DIS3L2: variants seen among roughly 807,000 people sequenced by gnomAD.
DIS3L2 encodes DIS3 like 3'-5' exoribonuclease 2.
Under a neutral mutation model 97.5 loss-of-function variants are expected in DIS3L2, and 34 were observed. The observed-to-expected ratio is 0.35, with a 90% confidence interval of 0.27 to 0.46. The LOEUF (loss-of-function observed/expected upper bound fraction) is 0.46. DIS3L2 is among the 20% of genes least tolerant of loss of function. The pLI is 1.00. For synonymous variants in DIS3L2, 435 were observed against 445.2 expected, an observed-to-expected ratio of 0.98 and a Z score of 0.29; for missense variants, 1,038 against 1,146.0, an observed-to-expected ratio of 0.91 and a Z score of 1.36.
chr2:232,098,831 G>T (rs999899527), intron 6 of DIS3L2, among the ~76,000 whole-genome samples: 7 of 151,688 alleles, frequency 4.6e-5, no homozygotes, highest in Non-Finnish European at 1.0e-4. Context: ...TTGTCATTTA[G>T]TCATTTGTCT....
chr2:232,257,355 C>G (rs890553239), intron 12 of DIS3L2, among the ~76,000 whole-genome samples: 6 of 152,156 alleles, frequency 3.9e-5, no homozygotes, highest in South Asian at 2.1e-4. Flanking sequence ...TCTCTCTGCT[C>G]TCTTCCAGCC....
At chr2:232,216,707 A>T (rs944572628) in intron 10 of DIS3L2, among the ~76,000 whole-genome samples, 2 of 152,148 alleles carry the variant, frequency 1.3e-5, no homozygotes, top group African/African-American at 4.8e-5. Context: ...GATGACAGAG[A>T]AGGAAAAGTT....
At chr2:232,274,791 A>G (rs1045722924) in intron 13 of DIS3L2, among the ~76,000 whole-genome samples, 29 of 152,272 alleles carry the variant, frequency 1.9e-4, no homozygotes, top group Admixed American at 1.9e-3. Flanking sequence ...ACCATCTACT[A>G]TCTTCATTAT....
At chr2:232,137,179 T>G (rs1698383727) in intron 8 of DIS3L2, among the ~76,000 whole-genome samples, 1 of 152,212 alleles carries the variant, frequency 6.6e-6, no homozygotes, top group South Asian at 2.1e-4. Flanking sequence ...TGATTTTGCC[T>G]GTGGCATTAA....
At chr2:232,146,494 G>A (rs1483049545) in intron 8 of DIS3L2, among the ~76,000 whole-genome samples, 2 of 152,182 alleles carry the variant, frequency 1.3e-5, no homozygotes, top group East Asian at 3.8e-4. Context: ...TCAGTGACTG[G>A]ATGATGTTAT....
At chr2:231,971,637 C>T (rs1038228119) in intron 1 of DIS3L2, among the ~76,000 whole-genome samples, 3 of 151,934 alleles carry the variant, frequency 2.0e-5, no homozygotes, top group East Asian at 2.0e-4. Context: ...TTAGTAGAGA[C>T]GGGTTTCACC....
At chr2:232,177,087 A>G (rs1195109344) in intron 9 of DIS3L2, among the ~76,000 whole-genome samples, 1 of 147,710 alleles carries the variant, frequency 6.8e-6, no homozygotes, top group African/African-American at 2.5e-5. Context: ...TAGTTTACTG[A>G]GAATGATGGT....
At chr2:232,015,937 T>C in intron 3 of DIS3L2, 1 of 281,308 alleles carries the variant, frequency 3.6e-6, no homozygotes, top group East Asian at 6.3e-5. Flanking sequence ...CCATTAGGAT[T>C]GTCTAGAGAT....
At position 232,303,108 on chromosome 2, in the gene DIS3L2, A is replaced by G. The variant is rs143703643; in HGVS notation, c.1739+2989A>G. Among the ~76,000 whole-genome samples, 1,298 of 152,228 alleles carry G rather than the reference A, an allele frequency of 8.5e-3. 24 individuals carry two copies. Among genetic ancestry groups the G allele is most frequent in the Admixed American group, 0.049 (753 of 15,292 alleles). On this transcript the variant is annotated intron_variant, in intron 14 of 20. Coordinates refer to ENST00000325385, the MANE Select transcript of DIS3L2 (RefSeq NM_152383.5). ...GCTCATGACTTCCATCTTCCCAGAA[A>G]GTCTTCTGCCAACAGTGTACTCATG... is the stretch of plus-strand genomic sequence containing the variant.
chr2:232,160,708 C>G (rs1030895989), intron 8 of DIS3L2, among the ~76,000 whole-genome samples: 1 of 151,954 alleles, frequency 6.6e-6, no homozygotes, highest in African/African-American at 2.4e-5. Context: ...AAAACCCCAT[C>G]TCTACAAAAA....
intron 8 of DIS3L2, among the ~76,000 whole-genome samples, chr2:232,145,630 A>T (rs1690197198): frequency 6.6e-6 from 1 of 152,054 alleles, no homozygotes; most frequent in South Asian, 2.1e-4. Context: ...TGATTTTTTG[A>T]TGTGTTAATA....
chr2:232,113,512 T>C (rs1419175141), intron 6 of DIS3L2, among the ~76,000 whole-genome samples: 1 of 152,228 alleles, frequency 6.6e-6, no homozygotes, highest in Non-Finnish European at 1.5e-5. Flanking sequence ...TCCACACCTA[T>C]TCCCACTATG....
At chr2:232,271,604 T>A (rs2106290548) in intron 13 of DIS3L2, among the ~76,000 whole-genome samples, 1 of 152,334 alleles carries the variant, frequency 6.6e-6, no homozygotes, top group Admixed American at 6.5e-5. Flanking sequence ...GTTACCAATT[T>A]TATAATAATA....
rs535058678 is a variant in DIS3L2, at chr2:232,281,050, A to T, written c.1659+17610A>T. Among the ~76,000 whole-genome samples, 2 of 152,160 alleles carry T rather than the reference A, an allele frequency of 1.3e-5. No individual in the cohort carries two copies. The highest frequency in any genetic ancestry group is 2.9e-5 in the Non-Finnish European group (2 of 68,026). On this transcript the variant is annotated intron_variant, in intron 13 of 20. Coordinates refer to ENST00000325385, the MANE Select transcript of DIS3L2 (RefSeq NM_152383.5). The surrounding 1 kb of genome is among the most constrained non-coding windows in gnomAD (Gnocchi z 4.1). Reference sequence around the variant, plus strand: ...GAAGGGCTCCCAGTGGTGGTGGGAAATGTTGGGGATGTAACCAGGGCTGAT... The same window carrying T: ...GAAGGGCTCCCAGTGGTGGTGGGAATTGTTGGGGATGTAACCAGGGCTGAT...
intron 8 of DIS3L2, among the ~76,000 whole-genome samples, chr2:232,147,225 C>A (rs974724079): frequency 2.0e-5 from 3 of 152,146 alleles, no homozygotes; most frequent in Non-Finnish European, 4.4e-5. Flanking sequence ...CCCACCTCAG[C>A]CTCCCAAAGT....
intron 13 of DIS3L2, among the ~76,000 whole-genome samples, chr2:232,282,935 C>T (rs1302028478): frequency 6.6e-6 from 1 of 152,182 alleles, no homozygotes; most frequent in African/African-American, 2.4e-5. Context: ...TTAAGAATCC[C>T]CAGGTTGTTT....
intron 9 of DIS3L2, among the ~76,000 whole-genome samples, chr2:232,197,897 G>A (rs920512819): frequency 1.3e-4 from 19 of 151,830 alleles, no homozygotes; most frequent in African/African-American, 4.6e-4. Flanking sequence ...GAGGGGAGGC[G>A]GAGGTTGCAG....
At position 232,106,302 on chromosome 2, in the gene DIS3L2, T is replaced by C. The variant is rs145404855; in HGVS notation, c.601+18581T>C. ...CCTAATGGCTCTTAGTGGGGCACTT[T>C]ATGTTATTTACAAATACTGTTTTAT... On this transcript the variant is annotated intron_variant, in intron 6 of 20. Transcript: ENST00000325385. Among the ~76,000 whole-genome samples, 475 of 152,354 alleles carry C rather than the reference T, an allele frequency of 3.1e-3. 2 individuals carry two copies. The highest frequency in any genetic ancestry group is 0.024 in the Middle Eastern group (7 of 294).
At chr2:232,117,154 G>A (rs1184676224) in intron 6 of DIS3L2, among the ~76,000 whole-genome samples, 1 of 152,118 alleles carries the variant, frequency 6.6e-6, no homozygotes, top group African/African-American at 2.4e-5. Context: ...TTTCTTCCAG[G>A]TATGAATATG....
Sources: gnomAD v4.1 joint callset for allele counts (sites outside exome capture counted in the v4.1 genomes callset) on GRCh38, gnomAD v4.1.1 for gene constraint, Gnocchi (gnomAD v3.1) non-coding constraint, MANE v1.5 for transcripts, NCBI Gene and HGNC (gene_info 2026-07-23, HGNC 2026-07-21) for gene names.